ADAM22: variants seen among roughly 807,000 people sequenced by gnomAD.
The protein encoded by ADAM22 is disintegrin and metalloproteinase domain-containing protein 22.
In ADAM22, 65 loss-of-function variants were observed where a neutral mutation model predicts 144.6. The ratio of observed to expected loss-of-function variants is 0.45; its 90% CI spans 0.37 to 0.55. ADAM22 has a LOEUF of 0.55. ADAM22 is among the 20% of genes least tolerant of loss of function. ADAM22 has a pLI of 0.00. For missense variants in ADAM22, 974 were observed against 1,184.9 expected (o/e 0.82, Z 2.61); for synonymous variants, 391 against 412.6 (o/e 0.95, Z 0.63).
rs1197620458 is a variant in ADAM22, at chr7:88,155,780, A to C, written c.1788-107A>C. On this transcript the variant is annotated intron_variant, in intron 21 of 31. Transcript: ENST00000413139. ...TATTTCACTTGGCATATGAGTAGATAATATACTTGATGAAAACCAAATGCT... is the reference window on the plus strand; with the variant it reads ...TATTTCACTTGGCATATGAGTAGATCATATACTTGATGAAAACCAAATGCT... 3.0e-6 allele frequency: 4 copies of C among 1,339,612 alleles called. No individual in the cohort carries two copies. The South Asian group carries it at 5.9e-5, about 20-fold the overall frequency. The allele number at this position is 1,339,612 out of a possible 1,614,324, so 83.0% of individuals were successfully genotyped here.
At chr7:88,079,328 C>A (rs373870888) in intron 4 of ADAM22, among the ~76,000 whole-genome samples, 11 of 152,128 alleles carry the variant, frequency 7.2e-5, no homozygotes, top group African/African-American at 2.2e-4. Flanking sequence ...GCCTGCCCTA[C>A]AAGAGCTCCT....
intron 17 of ADAM22, among the ~76,000 whole-genome samples, chr7:88,148,516 GAGA>G (rs1322920055): frequency 1.3e-5 from 2 of 152,148 alleles, no homozygotes; most frequent in East Asian, 1.9e-4. Flanking sequence ...TGAGGCAGGG[GAGA>G]AGAAGGGTAG....
In ADAM22 at chr7:88,130,418, A is replaced by G. The variant is rs376692654; in HGVS notation, c.784A>G (p.Thr262Ala). The change falls in exon 10 of 32, where the codon ACC (threonine) becomes GCC (alanine). Residue 262 changes from threonine (T) to alanine (A), a missense_variant. Around this residue, in one of 2 missense-constraint regions of ADAM22, gnomAD observed 734 missense variants for 950.6 expected, o/e 0.77. Coordinates refer to ENST00000413139, the MANE Select transcript of ADAM22 (RefSeq NM_001324418.2). The stretch of plus-strand genomic sequence containing the variant: ...AAAACATCGGCTTTCCGTTGTACAT[A>G]CCAATACCTATGCGAAATCTGTGGT... ...FKKHRLSVVHTNTYAKSVVNM... is the reference protein window; with the variant it reads ...FKKHRLSVVHANTYAKSVVNM... 4.3e-6 allele frequency: 7 copies of G among 1,613,148 alleles called. No individual in the cohort carries two copies. In the African/African-American group the frequency reaches 8.0e-5, roughly 18 times the overall value.
intron 18 of ADAM22, among the ~76,000 whole-genome samples, 154 bp from the exon 19 acceptor site, chr7:88,150,827 C>T (rs1162664420): frequency 6.6e-6 from 1 of 152,120 alleles, no homozygotes; most frequent in East Asian, 1.9e-4. Context: ...AGGACATCCA[C>T]TTGCTCTTGA....
At chr7:88,003,620 A>G (rs963450055) in intron 3 of ADAM22, among the ~76,000 whole-genome samples, 4 of 152,244 alleles carry the variant, frequency 2.6e-5, no homozygotes, top group African/African-American at 7.2e-5. Flanking sequence ...GGAAGCAAAG[A>G]GAAGACAGAT....
rs79287801 is a variant in ADAM22 at position 87,981,631 on chromosome 7, C to T, written c.323+3219C>T. 5.8e-3 allele frequency among the ~76,000 whole-genome samples: 880 copies of T among 152,168 alleles called. 16 individuals are homozygous for T. The highest frequency in any genetic ancestry group is 0.045 in the East Asian group (234 of 5,168). ...GTTTAAAAGAGAACATTCAGTCTTG[C>T]CTTCTCTCATTTAGAGAAAGCATTT... On this transcript the variant is annotated intron_variant, in intron 3 of 31. Transcript: ENST00000413139.
At chr7:87,992,388 A>C (rs551729659) in intron 3 of ADAM22, among the ~76,000 whole-genome samples, 1 of 152,200 alleles carries the variant, frequency 6.6e-6, no homozygotes, top group East Asian at 1.9e-4. Flanking sequence ...TAATGACTGC[A>C]CTAACAAAGG....
chr7:88,135,450 C>T (rs1832795979), intron 13 of ADAM22, among the ~76,000 whole-genome samples: 1 of 152,056 alleles, frequency 6.6e-6, no homozygotes, highest in Non-Finnish European at 1.5e-5. Context: ...CTAGCTCTTA[C>T]AAGTATAATG....
At chr7:88,104,503 AT>A (rs1323216518) in intron 4 of ADAM22, among the ~76,000 whole-genome samples, 1 of 151,664 alleles carries the variant, frequency 6.6e-6, no homozygotes, top group African/African-American at 2.4e-5. Context: ...TTATTTTAAA[AT>A]AACACATAAA....
At chr7:88,175,584 A>T (rs1399638309) in intron 26 of ADAM22, among the ~76,000 whole-genome samples, 4 of 152,200 alleles carry the variant, frequency 2.6e-5, no homozygotes, top group Admixed American at 2.6e-4. Flanking sequence ...GTTCACTAAA[A>T]ATCATACATG....
At chr7:88,141,383 T>C (rs1056413692) in intron 14 of ADAM22, among the ~76,000 whole-genome samples, 3 of 152,196 alleles carry the variant, frequency 2.0e-5, no homozygotes, top group Non-Finnish European at 2.9e-5. Flanking sequence ...CATGAAGCCC[T>C]TTAAAAATGA....
intron 3 of ADAM22, among the ~76,000 whole-genome samples, chr7:88,042,678 T>A (rs146870538): frequency 1.3e-5 from 2 of 151,854 alleles, no homozygotes; most frequent in Admixed American, 6.6e-5. Context: ...TGTGGCTCAG[T>A]TAGTAATTAT....
intron 29 of ADAM22, among the ~76,000 whole-genome samples, chr7:88,185,300 A>G (rs1470380618): frequency 1.3e-5 from 2 of 152,164 alleles, no homozygotes; most frequent in African/African-American, 4.8e-5. Context: ...GAATTTCACA[A>G]TGTTATTTTG....
intron 2 of ADAM22, among the ~76,000 whole-genome samples, chr7:87,958,807 C>T (rs1001426652): frequency 6.6e-6 from 1 of 152,054 alleles, no homozygotes; most frequent in African/African-American, 2.4e-5. Flanking sequence ...TTTGACTGGC[C>T]TATTATGCGT....
intron 4 of ADAM22, among the ~76,000 whole-genome samples, chr7:88,105,559 A>T (rs1824148157): frequency 6.6e-6 from 1 of 152,212 alleles, no homozygotes; most frequent in Non-Finnish European, 1.5e-5. Flanking sequence ...CTTTTGTTAA[A>T]TTTACTCTTA....
intron 4 of ADAM22, among the ~76,000 whole-genome samples, chr7:88,097,995 A>G (rs1821893202): frequency 6.6e-6 from 1 of 152,192 alleles, no homozygotes; most frequent in Non-Finnish European, 1.5e-5. Context: ...AGAGAATCTG[A>G]TAAGCCCCCT....
intron 4 of ADAM22, among the ~76,000 whole-genome samples, chr7:88,077,681 A>C (rs1815016931): frequency 6.6e-6 from 1 of 152,210 alleles, no homozygotes; most frequent in Admixed American, 6.5e-5. Context: ...AACAAACGGC[A>C]CACCAGGAGA....
rs558349908 is a variant in ADAM22 at position 88,201,348 on chromosome 7, C to A, written c.*4857C>A. On this transcript the variant is annotated 3_prime_UTR_variant, in exon 32 of 32. Transcript: ENST00000413139. ...GTCACTGGGAGATGAGTCCTAAAAG[C>A]CTGAATTTCAGGATGGGGAGGAGAT... The A allele has an allele frequency of 6.6e-6, 1 of 152,156 alleles. No individual in the cohort carries two copies. Among genetic ancestry groups the A allele is most frequent in the Admixed American group, 6.5e-5 (1 of 15,274 alleles). The allele number at this position is 152,156 out of a possible 1,614,324, so 9.4% of individuals were successfully genotyped here. A position where few individuals can be genotyped will look rare whatever the true frequency, so the allele number is the denominator to read the frequency against.
At chr7:88,044,315 G>T (rs1803949427) in intron 3 of ADAM22, among the ~76,000 whole-genome samples, 1 of 152,142 alleles carries the variant, frequency 6.6e-6, no homozygotes, top group Non-Finnish European at 1.5e-5. Context: ...TGTCTTTAGA[G>T]TGCTCAGGAA....
Sources: allele counts gnomAD v4.1 joint callset (sites outside exome capture counted in the v4.1 genomes callset), GRCh38; gene constraint gnomAD v4.1.1; regional missense constraint gnomAD v4.1.1; transcripts MANE v1.5; gene names NCBI Gene and HGNC (gene_info 2026-07-23, HGNC 2026-07-21).